The following SAMD5 variants were observed in gnomAD, a reference collection of about 807,000 sequenced individuals.
SAMD5 encodes the protein sterile alpha motif domain containing 5, also known as sterile alpha motif domain-containing protein 5.
Under a neutral mutation model 11.3 loss-of-function variants are expected in SAMD5, and 13 were observed. That is an observed-to-expected ratio of 1.15 (90% CI 0.75 to 1.83). The LOEUF (loss-of-function observed/expected upper bound fraction) is 1.83, where lower values mean the gene tolerates loss of function less well. Among genes scored for constraint, SAMD5 ranks in the 40% most tolerant of loss-of-function variants. The pLI is 0.00. For synonymous variants in SAMD5, 129 were observed against 111.3 expected (o/e 1.16, Z -1.00); for missense variants, 255 against 239.1 (o/e 1.07, Z -0.44).
At chr6:147,632,574 C>T (rs911639451) in intron 1 of SAMD5, among the ~76,000 whole-genome samples, 33 of 152,202 alleles carry the variant, frequency 2.2e-4, no homozygotes, top group African/African-American at 7.0e-4. Flanking sequence ...CAGTGGGAGC[C>T]GCCGCATGCA....
the SAMD5 span, among the ~76,000 whole-genome samples, chr6:147,830,125 A>G: frequency 2.6e-5 from 4 of 152,194 alleles, no homozygotes; most frequent in South Asian, 4.2e-4. Flanking sequence ...GGAGAGAGAA[A>G]AAAATAGGGC....
the SAMD5 span, among the ~76,000 whole-genome samples, chr6:147,836,610 A>G: frequency 1.3e-5 from 2 of 152,212 alleles, no homozygotes; most frequent in Non-Finnish European, 2.9e-5. Context: ...AGTGACAAAA[A>G]TAATGGTTGT....
At chr6:147,573,762 A>T (rs1256282542), downstream of SAMD5, among the ~76,000 whole-genome samples, 1 of 152,212 alleles carries the variant, frequency 6.6e-6, no homozygotes, top group East Asian at 1.9e-4. Flanking sequence ...TAGAATGTGG[A>T]GGGTGGGAAC....
At chr6:147,651,219 G>A (rs1034716769) in intron 1 of SAMD5, among the ~76,000 whole-genome samples, 2 of 152,160 alleles carry the variant, frequency 1.3e-5, no homozygotes, top group African/African-American at 2.4e-5. Flanking sequence ...AGTGATTAAA[G>A]CTCTTTGGCT....
intron 1 of SAMD5, among the ~76,000 whole-genome samples, chr6:147,706,937 A>G (rs146161056): frequency 1.3e-5 from 2 of 152,316 alleles, no homozygotes; most frequent in East Asian, 1.9e-4. Flanking sequence ...TTTATGACTG[A>G]GGTTGAGATA....
At chr6:147,701,799 TCATC>T (rs1791257162) in intron 1 of SAMD5, among the ~76,000 whole-genome samples, 1 of 152,222 alleles carries the variant, frequency 6.6e-6, no homozygotes, top group African/African-American at 2.4e-5. Context: ...CACAAGCTGA[TCATC>T]CATACTGGCT....
chr6:147,692,977 G>A (rs958075201), intron 1 of SAMD5, among the ~76,000 whole-genome samples: 4 of 152,178 alleles, frequency 2.6e-5, no homozygotes, highest in East Asian at 1.9e-4. Flanking sequence ...AGAAAAACCC[G>A]TCACCACTTA....
At chr6:147,908,392 G>A in the SAMD5 span, among the ~76,000 whole-genome samples, 4 of 152,274 alleles carry the variant, frequency 2.6e-5, no homozygotes, top group South Asian at 8.3e-4. Flanking sequence ...TACATGAAAT[G>A]CTGCTTGTGA....
the SAMD5 span, among the ~76,000 whole-genome samples, chr6:147,745,196 CTG>C: frequency 6.6e-6 from 1 of 151,448 alleles, no homozygotes; most frequent in East Asian, 1.9e-4. Context: ...CTGTGTGTGC[CTG>C]TGTGTGTGTG....
chr6:147,742,265 G>C (rs1562364690), downstream of SAMD5, among the ~76,000 whole-genome samples: 2 of 152,046 alleles, frequency 1.3e-5, no homozygotes, highest in African/African-American at 4.8e-5. Context: ...TGTGTGTGTT[G>C]TGTGTGTTTG....
the SAMD5 span, among the ~76,000 whole-genome samples, chr6:147,787,895 C>T: frequency 2.0e-5 from 3 of 152,172 alleles, no homozygotes; most frequent in Admixed American, 1.3e-4. Context: ...CGCCAAGGCT[C>T]ATTTGGCCAT....
At chr6:147,604,300 C>T (rs1433885468) in intron 1 of SAMD5, among the ~76,000 whole-genome samples, 2 of 151,754 alleles carry the variant, frequency 1.3e-5, no homozygotes, top group East Asian at 3.9e-4. Context: ...TTTAACATTG[C>T]CCTTAATTGT....
intron 1 of SAMD5, among the ~76,000 whole-genome samples, chr6:147,665,216 T>A (rs977320533): frequency 1.3e-5 from 2 of 152,252 alleles, no homozygotes; most frequent in African/African-American, 4.8e-5. Context: ...AGGGTGCTTC[T>A]TTTTTCATTT....
At chr6:147,602,619 C>G (rs1050237863) in intron 1 of SAMD5, among the ~76,000 whole-genome samples, 7 of 152,140 alleles carry the variant, frequency 4.6e-5, no homozygotes, top group Non-Finnish European at 8.8e-5. Flanking sequence ...TGGCGGTTGC[C>G]TGTAATCCCA....
intron 1 of SAMD5, among the ~76,000 whole-genome samples, chr6:147,724,689 T>A (rs931443874): frequency 1.9e-4 from 29 of 152,150 alleles, no homozygotes; most frequent in African/African-American, 7.0e-4. Context: ...CCTGCTGGTG[T>A]TTCTGGCTCA....
At chr6:147,733,977 G>A (rs763711056) in intron 1 of SAMD5, among the ~76,000 whole-genome samples, 3 of 152,096 alleles carry the variant, frequency 2.0e-5, no homozygotes, top group East Asian at 1.9e-4. Flanking sequence ...GACAGGATCC[G>A]AAATAAGGAA....
chr6:147,758,975 C>A, the SAMD5 span, among the ~76,000 whole-genome samples: 2,074 of 152,142 alleles, frequency 0.014, 39 homozygotes, highest in African/African-American at 0.047. Flanking sequence ...GTCACAAAAA[C>A]CAAAAAACAA....
the SAMD5 span, among the ~76,000 whole-genome samples, chr6:147,932,849 G>A: frequency 7.2e-5 from 11 of 152,098 alleles, no homozygotes; most frequent in African/African-American, 1.7e-4. Flanking sequence ...ATAGCCATTC[G>A]ATGACTGATG....
the SAMD5 span, among the ~76,000 whole-genome samples, chr6:147,917,932 C>A: frequency 6.6e-6 from 1 of 152,220 alleles, no homozygotes; most frequent in African/African-American, 2.4e-5. Flanking sequence ...TGTTTGGGTA[C>A]CAGTACCATG....
Sources: gnomAD v4.1 joint callset for allele counts (sites outside exome capture counted in the v4.1 genomes callset) on GRCh38, gnomAD v4.1.1 for gene constraint, MANE v1.5 for transcripts, NCBI Gene and HGNC (gene_info 2026-07-23, HGNC 2026-07-21) for gene names.